The following UNC13C variants were observed in gnomAD, a reference collection of about 807,000 sequenced individuals.
UNC13C encodes unc-13 homolog C, also known as protein unc-13 homolog C.
In UNC13C, 174 loss-of-function variants were observed where a neutral mutation model predicts 245.4. The observed-to-expected ratio is 0.71, with a 90% confidence interval of 0.63 to 0.80. The LOEUF (loss-of-function observed/expected upper bound fraction) is 0.80, where lower values mean the gene tolerates loss of function less well. Among genes scored for constraint, UNC13C ranks in the 30% least tolerant of loss-of-function variants. UNC13C has a pLI of 0.00. For missense variants in UNC13C, 2,829 were observed against 2,602.9 expected, an observed-to-expected ratio of 1.09 and a Z score of -1.89; for synonymous variants, 992 against 895.1, an observed-to-expected ratio of 1.11 and a Z score of -1.93.
At chr15:53,996,719 T>G (rs561419366) in intron 1 of UNC13C, among the ~76,000 whole-genome samples, 5 of 152,262 alleles carry the variant, frequency 3.3e-5, no homozygotes, top group African/African-American at 1.2e-4. Flanking sequence ...TCATAGAGTA[T>G]GTATTCTTTT....
At position 54,264,282 on chromosome 15, in the gene UNC13C, T is replaced by A. The variant is rs1227905002; in HGVS notation, c.3563T>A (p.Val1188Glu). 1 of 1,600,118 alleles carries A rather than the reference T, an allele frequency of 6.2e-7. No homozygotes were observed. The highest frequency in any genetic ancestry group is 8.5e-7 in the Non-Finnish European group (1 of 1,172,734). Residue 1188 changes from valine to glutamate, a missense_variant, in exon 9 of 33, where the codon GTA becomes GAA. Val to Glu is a moderately radical substitution (Grantham distance 121, BLOSUM62 -2). Transcript: ENST00000260323. ...REKNRPEVFE[V>E]IQEMFQISKE... Reference sequence around the variant, plus strand: ...AAAAACCGGCCAGAAGTATTTGAAGTAATCCAGGAAATGTTTCAGATTTCT... The same window carrying A: ...AAAAACCGGCCAGAAGTATTTGAAGAAATCCAGGAAATGTTTCAGATTTCT...
At chr15:54,479,070 T>A (rs1892946514) in intron 19 of UNC13C, among the ~76,000 whole-genome samples, 1 of 152,014 alleles carries the variant, frequency 6.6e-6, no homozygotes, top group South Asian at 2.1e-4. Context: ...TTCACCAAGG[T>A]GTGTTCGTGG....
intron 19 of UNC13C, among the ~76,000 whole-genome samples, chr15:54,448,452 G>T (rs922903866): frequency 6.6e-6 from 1 of 152,140 alleles, no homozygotes; most frequent in Non-Finnish European, 1.5e-5. Context: ...ATGAATCTGG[G>T]TGCTCCTGTA....
chr15:54,517,256 A>C (rs112210537), intron 24 of UNC13C, among the ~76,000 whole-genome samples: 4 of 152,240 alleles, frequency 2.6e-5, no homozygotes, highest in African/African-American at 9.6e-5. Flanking sequence ...TAAATTATAA[A>C]GTATATATTA....
chr15:54,012,362 C>T (rs535302697), intron 1 of UNC13C, among the ~76,000 whole-genome samples: 86 of 152,144 alleles, frequency 5.7e-4, no homozygotes, highest in South Asian at 2.1e-4. Flanking sequence ...AATTGACTGT[C>T]GTATTACTCA....
chr15:54,611,305 T>C (rs767830083), intron 30 of UNC13C, among the ~76,000 whole-genome samples: 2 of 152,108 alleles, frequency 1.3e-5, no homozygotes, highest in Non-Finnish European at 2.9e-5. Context: ...TCCACTCAAA[T>C]CAGCAAGAGC....
intron 12 of UNC13C, among the ~76,000 whole-genome samples, chr15:54,299,547 C>T (rs1359798588): frequency 6.6e-6 from 1 of 152,098 alleles, no homozygotes; most frequent in Non-Finnish European, 1.5e-5. Flanking sequence ...ACACTCACTT[C>T]CTTCTGCAAA....
In UNC13C at chr15:54,270,561, C is replaced by T. The variant is rs189705875; in HGVS notation, c.3818+5065C>T. Among the ~76,000 whole-genome samples the T allele has an allele frequency of 2.5e-4, 38 of 152,088 alleles. No homozygotes were observed. The East Asian group carries it at 6.8e-3, about 27-fold the overall frequency. ...TTAATAACATGATTATATCTTTGTG[C>T]TGAGCTTCAGGTCTTTACACTAAAT... On this transcript the variant is annotated intron_variant, in intron 10 of 32. Transcript: ENST00000260323.
intron 2 of UNC13C, among the ~76,000 whole-genome samples, chr15:54,032,309 G>T (rs1183575714): frequency 6.6e-6 from 1 of 152,144 alleles, no homozygotes; most frequent in Non-Finnish European, 1.5e-5. Context: ...CGTCAAATCA[G>T]GTTGATAGGA....
chr15:54,490,168 A>G (rs1893630483), intron 19 of UNC13C, among the ~76,000 whole-genome samples: 1 of 152,216 alleles, frequency 6.6e-6, no homozygotes, highest in Admixed American at 6.5e-5. Flanking sequence ...TTTCCCAGCA[A>G]AGAGGCTGGT....
chr15:54,393,438 T>G (rs2040005595), intron 18 of UNC13C, among the ~76,000 whole-genome samples: 1 of 151,804 alleles, frequency 6.6e-6, no homozygotes, highest in African/African-American at 2.4e-5. Flanking sequence ...AATGTAAAAC[T>G]TTTCCTCCAC....
chr15:54,321,810 G>T, intron 13 of UNC13C, 129 bp from the exon 14 acceptor site: 1 of 958,346 alleles, frequency 1.0e-6, no homozygotes, highest in South Asian at 1.7e-5. Context: ...CTTTCAATTA[G>T]AGATTGTGCA....
chr15:54,432,761 A>G (rs916579105), intron 19 of UNC13C, among the ~76,000 whole-genome samples: 1 of 152,064 alleles, frequency 6.6e-6, no homozygotes, highest in Non-Finnish European at 1.5e-5. Flanking sequence ...AGCAGAACTG[A>G]AGGAGATGGA....
At chr15:54,100,200 C>T (rs1900092890) in intron 2 of UNC13C, among the ~76,000 whole-genome samples, 1 of 151,360 alleles carries the variant, frequency 6.6e-6, no homozygotes, top group Non-Finnish European at 1.5e-5. Flanking sequence ...ACAGTTTTCT[C>T]TATTTGTTGT....
chr15:54,014,490 A>T lies in UNC13C; in HGVS notation c.1587A>T (p.Ala529=). 6.2e-7 allele frequency: 1 copy of T among 1,613,832 alleles called. No homozygotes were observed. The highest frequency in any genetic ancestry group is 8.5e-7 in the Non-Finnish European group (1 of 1,179,812). ...ILEKQTTTHY[A]DATPLWHSQS... is the part of the protein sequence containing the mutation. ...AAAAGCAAACCACAACCCATTATGCAGATGCAACACCTCTCTGGCACTCAC... is the reference window on the plus strand; with the variant it reads ...AAAAGCAAACCACAACCCATTATGCTGATGCAACACCTCTCTGGCACTCAC... Residue 529 remains alanine, a synonymous_variant, in exon 2 of 33, where the codon GCA becomes GCT. Transcript: ENST00000260323.
chr15:54,049,399 A>G (rs537637242), intron 2 of UNC13C: 2 of 510,504 alleles, frequency 3.9e-6, no homozygotes, highest in East Asian at 1.1e-4. Context: ...TCCTTCTTTG[A>G]GATCAAATAT....
chr15:54,436,898 TATC>T (rs961963748), intron 19 of UNC13C, among the ~76,000 whole-genome samples: 1 of 151,926 alleles, frequency 6.6e-6, no homozygotes, highest in Non-Finnish European at 1.5e-5. Flanking sequence ...GCTATGCAGT[TATC>T]GTATTAATTT....
At chr15:54,474,538 G>A (rs1892624844) in intron 19 of UNC13C, among the ~76,000 whole-genome samples, 2 of 151,846 alleles carry the variant, frequency 1.3e-5, no homozygotes, top group Non-Finnish European at 2.9e-5. Flanking sequence ...GTGTTTGTTT[G>A]TTTTGTTTTG....
intron 10 of UNC13C, among the ~76,000 whole-genome samples, chr15:54,289,696 T>G (rs1447970828): frequency 6.6e-6 from 1 of 152,016 alleles, no homozygotes; most frequent in African/African-American, 2.4e-5. Context: ...TGGGTCAAAT[T>G]ATGTGGTGAC....
Sources: gnomAD v4.1 joint callset for allele counts (sites outside exome capture counted in the v4.1 genomes callset) on GRCh38, gnomAD v4.1.1 for gene constraint, MANE v1.5 for transcripts, NCBI Gene and HGNC (gene_info 2026-07-23, HGNC 2026-07-21) for gene names.